Variants in DMD observed in about 807,000 individuals in gnomAD.
The protein encoded by DMD is dystrophin.
A neutral mutation model predicts 330.1 loss-of-function variants in DMD; 63 were observed. The observed-to-expected ratio is 0.19, with a 90% confidence interval of 0.16 to 0.24. DMD has a LOEUF of 0.24. DMD is among the 10% of genes least tolerant of loss of function. The probability of loss-of-function intolerance (pLI) is 1.00; values close to 1 mark genes in which losing one functional copy is unlikely to be tolerated. For missense variants in DMD, 3,344 were observed against 2,684.1 expected, an observed-to-expected ratio of 1.25 and a Z score of -5.43; for synonymous variants, 1,223 against 959.8, an observed-to-expected ratio of 1.27 and a Z score of -5.07.
At chrX:31,628,954 T>TGCCC (rs2148432343) in intron 54 of DMD, among the ~76,000 whole-genome samples, 1 of 87,136 alleles carries the variant, frequency 1.1e-5, no homozygotes, top group African/African-American at 4.0e-5. Flanking sequence ...AATGCATGTA[T>TGCCC]TGTGGATACA....
chrX:31,420,076 A>C (rs1201568320), intron 60 of DMD, among the ~76,000 whole-genome samples: 1 of 112,333 alleles, frequency 8.9e-6, no homozygotes, highest in Non-Finnish European at 1.9e-5. Flanking sequence ...TGTTGGCAAA[A>C]AAATATCAAA....
At position 32,141,527 on chromosome X, in the gene DMD, A is replaced by G. The variant is rs138747372; in HGVS notation, c.6438+75389T>C. On this transcript the variant is annotated intron_variant, in intron 44 of 78. Coordinates refer to ENST00000357033, the MANE Select transcript of DMD (RefSeq NM_004006.3). ...GGCCTCAGTGTGCTCTCTTTACTCA[A>G]TGGCAATTAGTATGCACAACCCCAA... Among the ~76,000 whole-genome samples, 464 of 111,787 alleles carry G rather than the reference A, an allele frequency of 4.2e-3. 2 individuals are homozygous for G. Among genetic ancestry groups the G allele is most frequent in the African/African-American group, 0.014 (436 of 30,810 alleles).
At chrX:31,955,419 C>T (rs2095236140) in intron 45 of DMD, among the ~76,000 whole-genome samples, 1 of 112,122 alleles carries the variant, frequency 8.9e-6, no homozygotes, top group South Asian at 3.7e-4. Context: ...GTCTAAATCA[C>T]TGACTTTTAG....
At chrX:31,491,445 C>T (rs942180468) in intron 57 of DMD, among the ~76,000 whole-genome samples, 7 of 112,138 alleles carry the variant, frequency 6.2e-5, no homozygotes, top group Non-Finnish European at 1.3e-4. Flanking sequence ...TAATTGAAAA[C>T]GAGTCAGTCT....
chrX:31,615,043 T>A lies in DMD; in HGVS notation c.8217+12630A>T, dbSNP rs758700870. Among the ~76,000 whole-genome samples, 3 of 111,883 alleles carry A rather than the reference T, an allele frequency of 2.7e-5. No individual in the cohort carries two copies. In the East Asian group the frequency reaches 8.4e-4, roughly 31 times the overall value. On this transcript the variant is annotated intron_variant, in intron 55 of 78. Transcript: ENST00000357033. ...AATTTTCCAGTAGGATGGGTAGTGA[T>A]TGTTACCTATCACATAGAGGAATAT...
intron 49 of DMD, among the ~76,000 whole-genome samples, chrX:31,822,323 C>T (rs896322341): frequency 3.6e-5 from 4 of 111,601 alleles, no homozygotes; most frequent in African/African-American, 6.5e-5. Context: ...AGGAAAACTA[C>T]GTGCAAAATG....
chrX:31,317,777 C>T (rs1470589979), intron 62 of DMD, among the ~76,000 whole-genome samples: 7 of 111,543 alleles, frequency 6.3e-5, no homozygotes, highest in African/African-American at 2.0e-4. Context: ...TCCCAAAGTG[C>T]TGGGATTACA....
chrX:32,880,782 T>G (rs2083861591), intron 2 of DMD, among the ~76,000 whole-genome samples: 1 of 111,483 alleles, frequency 9.0e-6, no homozygotes, highest in African/African-American at 3.3e-5. Context: ...TCATCTCTAC[T>G]ACAAATACAA....
rs868033393 is a variant in DMD at position 32,465,299 on chromosome X, C to T, written c.3163-600G>A. ...CAGTATCTCTCACCCATGATTCTTT[C>T]CCGTATTACCTTTTTTTCTGCTGTT... On this transcript the variant is annotated intron_variant, in intron 23 of 78. Coordinates refer to ENST00000357033, the MANE Select transcript of DMD (RefSeq NM_004006.3). Among the ~76,000 whole-genome samples the T allele has an allele frequency of 7.2e-5, 8 of 111,286 alleles. No homozygotes were observed. In the South Asian group the frequency reaches 2.6e-3, roughly 36 times the overall value.
At chrX:31,396,573 T>G (rs1268489074) in intron 60 of DMD, among the ~76,000 whole-genome samples, 1 of 57,608 alleles carries the variant, frequency 1.7e-5, no homozygotes, top group Non-Finnish European at 3.2e-5. Context: ...TTTTTTTTTT[T>G]GTCTCTCCAT....
At chrX:31,897,422 CT>C (rs1312891581) in intron 47 of DMD, among the ~76,000 whole-genome samples, 1 of 103,100 alleles carries the variant, frequency 9.7e-6, no homozygotes, top group Non-Finnish European at 2.0e-5. Flanking sequence ...ATTTATAGTC[CT>C]TTGGGTATAT....
intron 41 of DMD, among the ~76,000 whole-genome samples, chrX:32,317,424 G>A (rs1260294445): frequency 3.6e-5 from 4 of 111,330 alleles, no homozygotes; most frequent in Non-Finnish European, 7.6e-5. Context: ...ATAGGCACAG[G>A]TATCACTCAC....
At position 31,464,745 on chromosome X, in the gene DMD, T is replaced by A. The variant is rs1009141319; in HGVS notation, c.8937+13361A>T. ...AATTCTACATGAATTAGCTTTTAAG[T>A]CTCCCTAAGAGGCTGATGCAGAACT... On this transcript the variant is annotated intron_variant, in intron 59 of 78. Coordinates refer to ENST00000357033, the MANE Select transcript of DMD (RefSeq NM_004006.3). 2.7e-5 allele frequency among the ~76,000 whole-genome samples: 3 copies of A among 112,479 alleles called. No homozygotes were observed. The Admixed American group carries it at 2.8e-4, about 11-fold the overall frequency.
At chrX:31,845,633 C>A (rs1211879330) in intron 48 of DMD, among the ~76,000 whole-genome samples, 1 of 110,436 alleles carries the variant, frequency 9.1e-6, no homozygotes, top group Admixed American at 9.8e-5. Flanking sequence ...ATTGAACAAA[C>A]AGGAGCAGCA....
chrX:31,640,968 G>T (rs1281768910), intron 54 of DMD, among the ~76,000 whole-genome samples: 2 of 111,757 alleles, frequency 1.8e-5, no homozygotes, highest in African/African-American at 6.5e-5. Context: ...ACATGGAAGA[G>T]AAATATGCAG....
intron 60 of DMD, among the ~76,000 whole-genome samples, chrX:31,413,454 G>C (rs1471877830): frequency 9.8e-5 from 11 of 111,841 alleles, no homozygotes; most frequent in Non-Finnish European, 1.3e-4. Flanking sequence ...TCTTGATTTT[G>C]ATCTTTCAGT....
At chrX:31,156,235 C>A (rs2038100711) in intron 74 of DMD, among the ~76,000 whole-genome samples, 1 of 111,572 alleles carries the variant, frequency 9.0e-6, no homozygotes, top group African/African-American at 3.3e-5. Flanking sequence ...ACATTCAGAG[C>A]CTTACTTCCA....
rs146543659 is a variant in DMD at position 31,182,824 on chromosome X, G to C, written c.9888C>G (p.Pro3296=). 1.4e-5 allele frequency: 17 copies of C among 1,205,698 alleles called. No homozygotes were observed. Among genetic ancestry groups the C allele is most frequent in the Non-Finnish European group, 1.9e-5 (17 of 893,472 alleles). Reference sequence around the variant, plus strand: ...CTGCAGCAGCCACTCTGTGCAGGACGGGCAGCCACACCATGGACTGGGGTT... The same window carrying C: ...CTGCAGCAGCCACTCTGTGCAGGACCGGCAGCCACACCATGGACTGGGGTT... ...RLEPQSMVWL[P]VLHRVAAAET... Residue 3296 remains proline (P), a synonymous_variant, in exon 68 of 79, where the codon CCC becomes CCG. Coordinates refer to ENST00000357033, the MANE Select transcript of DMD (RefSeq NM_004006.3).
intron 67 of DMD, among the ~76,000 whole-genome samples, chrX:31,197,364 G>A (rs1228211186): frequency 1.8e-5 from 2 of 112,029 alleles, no homozygotes; most frequent in Non-Finnish European, 3.8e-5. Flanking sequence ...GACTACAGGG[G>A]CATGCCACCA....
Sources: gnomAD v4.1 joint callset for allele counts (sites outside exome capture counted in the v4.1 genomes callset) on GRCh38, gnomAD v4.1.1 for gene constraint, MANE v1.5 for transcripts, NCBI Gene and HGNC (gene_info 2026-07-23, HGNC 2026-07-21) for gene names.